ZBTB24: variants seen among roughly 807,000 people sequenced by gnomAD.
ZBTB24 encodes the protein zinc finger and BTB domain-containing protein 24.
In ZBTB24, 32 loss-of-function variants were observed where a neutral mutation model predicts 53.8. That is an observed-to-expected ratio of 0.60 (90% CI 0.45 to 0.80). The LOEUF is 0.80. ZBTB24 is among the 30% of genes least tolerant of loss of function. The pLI is 0.00. For missense variants in ZBTB24, 722 were observed against 837.1 expected, an observed-to-expected ratio of 0.86 and a Z score of 1.70; for synonymous variants, 297 against 306.7, an observed-to-expected ratio of 0.97 and a Z score of 0.33.
In ZBTB24 at chr6:109,466,267, C is replaced by T. The variant is rs371855790; in HGVS notation, c.1678G>A (p.Val560Ile). ...CCGGGCATGAAATTGATGTTATGTA[C>T]AGAATCGGTTACGAGAAGCTGAATT... is the stretch of plus-strand genomic sequence containing the variant. ...QEIQLLVTDSVHNINFMPGPS... is the reference protein window; with the variant it reads ...QEIQLLVTDSIHNINFMPGPS... The change falls in exon 7 of 7, where the codon GTA (valine) becomes ATA (isoleucine). Residue 560 changes from valine (V) to isoleucine (I), a missense_variant. By Grantham distance (29) the Val-to-Ile change is conservative. Transcript: ENST00000230122. 3.1e-6 allele frequency: 5 copies of T among 1,614,064 alleles called. No homozygotes were observed. In the African/African-American group the frequency reaches 4.0e-5, roughly 13 times the overall value.
chr6:109,473,376 C>T (rs1342132993), intron 5 of ZBTB24, among the ~76,000 whole-genome samples: 1 of 152,110 alleles, frequency 6.6e-6, no homozygotes, highest in Non-Finnish European at 1.5e-5. Context: ...CCTGAGGGCC[C>T]TGTGCCCAGG....
chr6:109,477,092 CA>C (rs765830205), intron 2 of ZBTB24, among the ~76,000 whole-genome samples, 162 bp from the exon 3 acceptor site: 1 of 152,182 alleles, frequency 6.6e-6, no homozygotes, highest in Non-Finnish European at 1.5e-5. Context: ...GGAAGCTGAA[CA>C]GATGAATCTG....
chr6:109,475,736 T>A (rs1274320750), intron 4 of ZBTB24, among the ~76,000 whole-genome samples: 1 of 152,238 alleles, frequency 6.6e-6, no homozygotes, highest in Non-Finnish European at 1.5e-5. Context: ...TTGGTGTGAC[T>A]GAGGCCACAA....
intron 5 of ZBTB24, among the ~76,000 whole-genome samples, chr6:109,470,686 C>A (rs578097402): frequency 6.6e-6 from 1 of 152,300 alleles, no homozygotes; most frequent in South Asian, 2.1e-4. Flanking sequence ...CACTGTGGAC[C>A]ACGGCTTTGT....
Position 109,466,412 on chromosome 6 carries a change from A to G in ZBTB24, c.1533T>C (p.Ile511=), listed in dbSNP as rs1165364396. The G allele has an allele frequency of 6.2e-7, 1 of 1,614,170 alleles. No individual in the cohort carries two copies. The highest frequency in any genetic ancestry group is 1.1e-5 in the South Asian group (1 of 91,084). The change falls in exon 7 of 7, where the codon ATT becomes ATC. Residue 511 remains isoleucine, a synonymous_variant. Transcript: ENST00000230122. ...RLDNLKAHLK[I]HSKEKHASDA... is the part of the protein sequence containing the mutation. ...CTGAAGCATGCTTCTCCTTGCTATGAATTTTCAAGTGAGCCTTCAAGTTGT... is the reference window on the plus strand; with the variant it reads ...CTGAAGCATGCTTCTCCTTGCTATGGATTTTCAAGTGAGCCTTCAAGTTGT...
At chr6:109,476,578 T>C (rs1776282041) in intron 3 of ZBTB24, among the ~76,000 whole-genome samples, 185 bp downstream of exon 3, 1 of 152,234 alleles carries the variant, frequency 6.6e-6, no homozygotes, top group Non-Finnish European at 1.5e-5. Context: ...AGCCAGTTTA[T>C]AAGCTCTAGT....
At chr6:109,479,008 T>C (rs1776339418) in intron 2 of ZBTB24, among the ~76,000 whole-genome samples, 1 of 151,912 alleles carries the variant, frequency 6.6e-6, no homozygotes, top group African/African-American at 2.4e-5. Context: ...CTCAAAGGGC[T>C]GAAAAACAAA....
intron 2 of ZBTB24, among the ~76,000 whole-genome samples, chr6:109,480,140 T>C (rs1030697736): frequency 6.6e-6 from 1 of 152,046 alleles, no homozygotes; most frequent in Non-Finnish European, 1.5e-5. Context: ...GCTCCCTAAG[T>C]GATTCCAATT....
In ZBTB24 at chr6:109,463,606, T is replaced by C. The variant is rs866758220; in HGVS notation, c.*2245A>G. On this transcript the variant is annotated 3_prime_UTR_variant, in exon 7 of 7. Transcript: ENST00000230122. The stretch of plus-strand genomic sequence containing the variant: ...AAACTTTTGTCTTAGCTACTTGATA[T>C]GAGAATCTGTTTTCAACTGTAAGTT... 2.2e-4 allele frequency: 33 copies of C among 152,306 alleles called. No homozygotes were observed. The highest frequency in any genetic ancestry group is 3.4e-3 in the Middle Eastern group (1 of 294). The allele number at this position is 152,306 out of a possible 1,614,324, so 9.4% of individuals were successfully genotyped here. A position where few individuals can be genotyped will look rare whatever the true frequency, so the allele number is the denominator to read the frequency against.
At position 109,465,635 on chromosome 6, in the gene ZBTB24, A is replaced by G. The variant is rs766803892; in HGVS notation, c.*216T>C. 7.1e-6 allele frequency: 11 copies of G among 1,541,748 alleles called. No homozygotes were observed. The highest frequency in any genetic ancestry group is 9.6e-6 in the Non-Finnish European group (11 of 1,148,626). On this transcript the variant is annotated 3_prime_UTR_variant, in exon 7 of 7. Transcript: ENST00000230122. ...AGATTAAAATGAAAACCATTCAATA[A>G]TATTGAAATGCTCAATACAAATCAG...
At chr6:109,467,625 T>A (rs1309633912) in intron 6 of ZBTB24, 28 bp downstream of exon 6, 3 of 1,614,020 alleles carry the variant, frequency 1.9e-6, no homozygotes, top group Non-Finnish European at 2.5e-6. Context: ...GAGGCCTCCA[T>A]GCGAGAAAAA....
chr6:109,477,341 G>A (rs1223595914), intron 2 of ZBTB24, among the ~76,000 whole-genome samples: 1 of 151,992 alleles, frequency 6.6e-6, no homozygotes, highest in African/African-American at 2.4e-5. Context: ...TTTAGAGATG[G>A]GATCTCACTA....
rs980858794 is a variant in ZBTB24, at chr6:109,480,931, G to A, written c.952+144C>T. 5.3e-6 allele frequency: 8 copies of A among 1,497,498 alleles called. No individual in the cohort carries two copies. The African/African-American group carries it at 9.8e-5, about 18-fold the overall frequency. 92.8% of individuals were successfully genotyped at this position (1,497,498 alleles called of 1,614,324 possible). A position where few individuals can be genotyped will look rare whatever the true frequency, so the allele number is the denominator to read the frequency against. ...GATATTACCCACCTTGCAGGATTGT[G>A]GAGAAAATTAACTGCAATAACATGT... On this transcript the variant is annotated intron_variant, in intron 2 of 6. Transcript: ENST00000230122.
In ZBTB24 at chr6:109,472,532, T is replaced by C. The variant is rs183282606; in HGVS notation, c.1288+2867A>G. On this transcript the variant is annotated intron_variant, in intron 5 of 6. Coordinates refer to ENST00000230122, the MANE Select transcript of ZBTB24 (RefSeq NM_014797.3). Reference sequence around the variant, plus strand: ...CTCAGGCAACAGAACCAAGGGGAAGTGCCTCTTCTGGCACTGCTCAGCATG... The same window carrying C: ...CTCAGGCAACAGAACCAAGGGGAAGCGCCTCTTCTGGCACTGCTCAGCATG... 7.9e-5 allele frequency among the ~76,000 whole-genome samples: 12 copies of C among 152,188 alleles called. No homozygotes were observed. In the East Asian group the frequency reaches 2.3e-3, roughly 30 times the overall value.
chr6:109,470,222 T>A (rs1776137612), intron 5 of ZBTB24, among the ~76,000 whole-genome samples: 1 of 152,114 alleles, frequency 6.6e-6, no homozygotes, highest in Admixed American at 6.5e-5. Flanking sequence ...GACAGGAGTG[T>A]GATGAAAGGT....
chr6:109,481,950 C>G lies in ZBTB24; in HGVS notation c.77G>C (p.Ser26Thr). 3 of 1,614,082 alleles carry G rather than the reference C, an allele frequency of 1.9e-6. No individual in the cohort carries two copies. The East Asian group carries it at 6.7e-5, about 36-fold the overall frequency. The part of the protein sequence containing the change: ...SDAHSDTVLA[S>T]FEDQRKKGFL... ...GCCTTTCTTCCTCTGATCCTCAAAA[C>G]TGGCCAGCACAGTGTCACTGTGAGC... Residue 26 changes from serine to threonine, a missense_variant, in exon 2 of 7, where the codon AGT becomes ACT. By Grantham distance (58) the Ser-to-Thr change is moderately conservative (BLOSUM62 1). Transcript: ENST00000230122.
rs758377492 is a variant in ZBTB24 at position 109,476,740 on chromosome 6, G to GC, written c.1120+22dup. The GC allele has an allele frequency of 3.7e-5, 59 of 1,609,626 alleles. No individual in the cohort carries two copies. The East Asian group carries it at 5.8e-4, about 16-fold the overall frequency. Reference sequence around the variant, plus strand: ...GGGGAATGGGAATCTGGTGAAGCTGGCCCTCTGGGCAAGCCCCACTACCTG... The same window carrying GC: ...GGGGAATGGGAATCTGGTGAAGCTGGCCCCTCTGGGCAAGCCCCACTACCTG... On this transcript the variant is annotated intron_variant, in intron 3 of 6. Coordinates refer to ENST00000230122, the MANE Select transcript of ZBTB24 (RefSeq NM_014797.3).
At chr6:109,477,182 C>T (rs1473850875) in intron 2 of ZBTB24, among the ~76,000 whole-genome samples, 3 of 152,202 alleles carry the variant, frequency 2.0e-5, no homozygotes, top group Non-Finnish European at 2.9e-5. Flanking sequence ...ATCACCCAGG[C>T]TGGAGTGCAG....
chr6:109,477,791 C>G (rs1260094682), intron 2 of ZBTB24, among the ~76,000 whole-genome samples: 2 of 152,186 alleles, frequency 1.3e-5, no homozygotes, highest in Non-Finnish European at 2.9e-5. Context: ...AGACACAGGC[C>G]AGCAGCCAGG....
Sources: gnomAD v4.1 joint callset for allele counts (sites outside exome capture counted in the v4.1 genomes callset) on GRCh38, gnomAD v4.1.1 for gene constraint, MANE v1.5 for transcripts, NCBI Gene and HGNC (gene_info 2026-07-23, HGNC 2026-07-21) for gene names.